Variants in IL7 observed in about 807,000 individuals in gnomAD.
IL7 encodes interleukin-7.
In IL7, 3 loss-of-function variants were observed where a neutral mutation model predicts 21.6. The ratio of observed to expected loss-of-function variants is 0.14; its 90% CI spans 0.06 to 0.36. The LOEUF (loss-of-function observed/expected upper bound fraction) is 0.36. Among genes scored for constraint, IL7 ranks in the 10% least tolerant of loss-of-function variants. The pLI is 1.00. For missense variants in IL7, 175 were observed against 200.2 expected (o/e 0.87, Z 0.76); for synonymous variants, 62 against 68.1 (o/e 0.91, Z 0.44).
intron 4 of IL7, chr8:78,721,181 T>C (rs1308689907): frequency 6.6e-6 from 1 of 152,048 alleles, no homozygotes; most frequent in Non-Finnish European, 1.5e-5. Flanking sequence ...TGATTTATTT[T>C]AATGGAACTT....
chr8:78,790,740 T>C (rs1328179713), intron 2 of IL7, among the ~76,000 whole-genome samples: 1 of 152,000 alleles, frequency 6.6e-6, no homozygotes, highest in Non-Finnish European at 1.5e-5. Flanking sequence ...TACTTAGGAA[T>C]AAATTTAACA....
chr8:78,686,570 G>C, intron 3 of IL7: 8 of 1,535,222 alleles, frequency 5.2e-6, no homozygotes, highest in Non-Finnish European at 7.0e-6. Flanking sequence ...AAAGAGGGTG[G>C]CAAACTTCCT....
chr8:78,694,269 G>C (rs1404868337), intron 3 of IL7, among the ~76,000 whole-genome samples: 2 of 141,442 alleles, frequency 1.4e-5, no homozygotes, highest in Non-Finnish European at 3.0e-5. Context: ...CAAGTGACTT[G>C]TATGGATATG....
intron 2 of IL7, among the ~76,000 whole-genome samples, chr8:78,788,648 G>A (rs577102462): frequency 6.6e-6 from 1 of 152,218 alleles, no homozygotes; most frequent in South Asian, 2.1e-4. Flanking sequence ...CTCAGTACAT[G>A]TTCAATTTTG....
At chr8:78,799,768 G>A (rs1339813788) in intron 1 of IL7, among the ~76,000 whole-genome samples, 6 of 152,022 alleles carry the variant, frequency 3.9e-5, no homozygotes, top group Non-Finnish European at 5.9e-5. Context: ...ACCAGGATTC[G>A]ATTAGAAATG....
downstream of IL7, among the ~76,000 whole-genome samples, chr8:78,732,467 G>A (rs554985841): frequency 4.6e-5 from 7 of 152,236 alleles, no homozygotes; most frequent in South Asian, 1.5e-3. Flanking sequence ...ATGGTGATGA[G>A]GCTGAGAGAG....
chr8:78,730,182 T>C (rs1485987344), downstream of IL7, among the ~76,000 whole-genome samples: 1 of 151,930 alleles, frequency 6.6e-6, no homozygotes, highest in Non-Finnish European at 1.5e-5. Flanking sequence ...ATTTAGAAAA[T>C]TGCTGCCTTT....
intron 2 of IL7, among the ~76,000 whole-genome samples, chr8:78,779,698 C>CT (rs1225686962): frequency 1.3e-5 from 2 of 151,964 alleles, no homozygotes; most frequent in Non-Finnish European, 2.9e-5. Context: ...CTGAAGTTTT[C>CT]TTTTTTTGTA....
At chr8:78,736,958 G>T (rs1181110434) in intron 4 of IL7, among the ~76,000 whole-genome samples, 2 of 152,090 alleles carry the variant, frequency 1.3e-5, no homozygotes, top group Non-Finnish European at 2.9e-5. Context: ...AAAGCTTGTA[G>T]CGTGCCTGGC....
Position 78,718,449 on chromosome 8 carries a change from A to G in IL7, n.579-407T>C, listed in dbSNP as rs570148863. On this transcript the variant is annotated intron_variant and non_coding_transcript_variant, in intron 6 of 6. Coordinates refer to the IL7 transcript ENST00000519833. ...TTAAATCACGTCACCTAATCATAAT[A>G]GTTGTGGTAACTAATCATTAGTGCA... The G allele has an allele frequency of 3.0e-4, 46 of 152,084 alleles. No individual in the cohort carries two copies. The East Asian group carries it at 4.8e-3, about 16-fold the overall frequency. The allele number at this position is 152,084 out of a possible 1,614,324, so 9.4% of individuals were successfully genotyped here. A position where few individuals can be genotyped will look rare whatever the true frequency, so the allele number is the denominator to read the frequency against.
At chr8:78,794,469 AAG>A (rs1461031564) in intron 2 of IL7, among the ~76,000 whole-genome samples, 6 of 152,112 alleles carry the variant, frequency 3.9e-5, no homozygotes, top group Admixed American at 3.9e-4. Context: ...TGTCCCTAAC[AAG>A]AGAGTTAGTT....
At chr8:78,770,687 G>GCA (rs139393710) in intron 2 of IL7, among the ~76,000 whole-genome samples, 29 of 150,644 alleles carry the variant, frequency 1.9e-4, no homozygotes, top group African/African-American at 6.3e-4. Context: ...GCAAAGACAC[G>GCA]CACACACACA....
chr8:78,776,070 T>C (rs1340449176), intron 2 of IL7, among the ~76,000 whole-genome samples: 1 of 152,038 alleles, frequency 6.6e-6, no homozygotes, highest in Non-Finnish European at 1.5e-5. Flanking sequence ...AAAACTTTAA[T>C]TTATAAATTA....
intron 3 of IL7, among the ~76,000 whole-genome samples, chr8:78,726,410 A>G (rs577144016): frequency 6.6e-6 from 1 of 151,946 alleles, no homozygotes; most frequent in East Asian, 1.9e-4. Context: ...AAGAGTAGAA[A>G]ATTAGTCATG....
intron 3 of IL7, among the ~76,000 whole-genome samples, chr8:78,696,138 C>T (rs1358187355): frequency 6.6e-6 from 1 of 151,890 alleles, no homozygotes; most frequent in African/African-American, 2.4e-5. Flanking sequence ...GGGTTCACGC[C>T]ATTCTCCTGC....
intron 3 of IL7, chr8:78,686,716 A>G (rs1378747135): frequency 8.5e-7 from 1 of 1,180,520 alleles, no homozygotes; most frequent in Non-Finnish European, 1.1e-6. Flanking sequence ...GAGTGTTATG[A>G]GGCATAATCT....
downstream of IL7, among the ~76,000 whole-genome samples, chr8:78,729,964 A>G (rs144374447): frequency 8.1e-4 from 123 of 152,112 alleles, no homozygotes; most frequent in African/African-American, 2.7e-3. Context: ...ACATGAAGGA[A>G]TGATCAGTTC....
intron 3 of IL7, among the ~76,000 whole-genome samples, chr8:78,739,479 G>A (rs533495772): frequency 3.3e-5 from 5 of 152,256 alleles, no homozygotes; most frequent in Admixed American, 1.3e-4. Context: ...GGATCATGAG[G>A]TCAGGAGATC....
intron 2 of IL7, among the ~76,000 whole-genome samples, chr8:78,743,248 T>C (rs917199908): frequency 9.2e-5 from 14 of 152,250 alleles, no homozygotes; most frequent in Non-Finnish European, 7.3e-5. Context: ...CCCTTGGTTA[T>C]ATGCCCAGTA....
Sources: allele counts gnomAD v4.1 joint callset (sites outside exome capture counted in the v4.1 genomes callset), GRCh38; gene constraint gnomAD v4.1.1; transcripts MANE v1.5; gene names NCBI Gene and HGNC (gene_info 2026-07-23, HGNC 2026-07-21).